GABRA5: variants seen among roughly 807,000 people sequenced by gnomAD.
The protein encoded by GABRA5 is gamma-aminobutyric acid type A receptor subunit alpha5, also known as gamma-aminobutyric acid receptor subunit alpha-5.
GABRA5 carries 18 observed loss-of-function variants against 47.3 expected under a neutral mutation model. That is an observed-to-expected ratio of 0.38 (90% CI 0.26 to 0.56). GABRA5 has a LOEUF of 0.56. Among genes scored for constraint, GABRA5 ranks in the 20% least tolerant of loss-of-function variants. The pLI is 0.71. For missense variants in GABRA5, 365 were observed against 599.3 expected (o/e 0.61, Z 4.08); for synonymous variants, 237 against 229.3 (o/e 1.03, Z -0.30).
intron 6 of GABRA5, among the ~76,000 whole-genome samples, chr15:26,902,746 C>T (rs1181093656): frequency 6.6e-6 from 1 of 152,044 alleles, no homozygotes; most frequent in Non-Finnish European, 1.5e-5. Context: ...TTTAATTTCT[C>T]ACTATTAAGT....
chr15:26,887,167 G>T (rs1246755763), intron 6 of GABRA5, among the ~76,000 whole-genome samples: 1 of 152,104 alleles, frequency 6.6e-6, no homozygotes, highest in Non-Finnish European at 1.5e-5. Context: ...ATGCACAAAG[G>T]TGTCTATTAT....
intron 3 of GABRA5, among the ~76,000 whole-genome samples, chr15:26,875,565 A>T (rs1475202875): frequency 2.0e-5 from 3 of 152,152 alleles, no homozygotes; most frequent in African/African-American, 7.2e-5. Context: ...GGAGGTGAGG[A>T]TGTGAGCAAA....
intron 10 of GABRA5, among the ~76,000 whole-genome samples, chr15:26,944,473 C>T (rs192090581): frequency 2.0e-5 from 3 of 152,262 alleles, no homozygotes; most frequent in East Asian, 1.9e-4. Flanking sequence ...AGGACCCATT[C>T]TGGGTGCTCT....
At chr15:26,886,203 AG>A (rs1892875429) in intron 6 of GABRA5, among the ~76,000 whole-genome samples, 1 of 151,950 alleles carries the variant, frequency 6.6e-6, no homozygotes, top group African/African-American at 2.4e-5. Flanking sequence ...TATTTTTAGT[AG>A]GGAGGGGGTT....
intron 8 of GABRA5, among the ~76,000 whole-genome samples, 182 bp downstream of exon 8, chr15:26,937,510 G>A (rs1365140147): frequency 6.6e-6 from 1 of 152,198 alleles, no homozygotes; most frequent in Non-Finnish European, 1.5e-5. Context: ...GCTGGCCAAA[G>A]GAATCCTCCC....
At chr15:26,900,035 C>G (rs1595410441) in intron 6 of GABRA5, among the ~76,000 whole-genome samples, 1 of 151,682 alleles carries the variant, frequency 6.6e-6, no homozygotes, top group Admixed American at 6.6e-5. Flanking sequence ...CATGTAATTT[C>G]TTTTACTGTA....
At chr15:26,912,821 A>G (rs1893630084) in intron 6 of GABRA5, among the ~76,000 whole-genome samples, 1 of 152,250 alleles carries the variant, frequency 6.6e-6, no homozygotes, top group Non-Finnish European at 1.5e-5. Context: ...AGGTGAAATC[A>G]TAAGTGAAGT....
intron 10 of GABRA5, among the ~76,000 whole-genome samples, chr15:26,945,367 G>T (rs905119671): frequency 3.3e-5 from 5 of 152,228 alleles, no homozygotes; most frequent in African/African-American, 1.2e-4. Flanking sequence ...GTTCACCATT[G>T]TTCCAAGTTG....
At chr15:26,907,704 C>G (rs1326857126) in intron 6 of GABRA5, among the ~76,000 whole-genome samples, 2 of 152,156 alleles carry the variant, frequency 1.3e-5, no homozygotes, top group Non-Finnish European at 2.9e-5. Flanking sequence ...TGGCAGTGGC[C>G]TTTGGGTTCC....
chr15:26,876,874 A>T (rs1304450139), intron 3 of GABRA5, among the ~76,000 whole-genome samples: 1 of 152,162 alleles, frequency 6.6e-6, no homozygotes. Context: ...GTCATCACCT[A>T]TGCAGGACCC....
At chr15:26,940,800 TCTAA>T (rs1894365557) in intron 9 of GABRA5, among the ~76,000 whole-genome samples, 1 of 152,134 alleles carries the variant, frequency 6.6e-6, no homozygotes, top group African/African-American at 2.4e-5. Flanking sequence ...TTGGGAGAGC[TCTAA>T]CTCAGGAGGT....
rs150782429 is a variant in GABRA5 at position 26,948,500 on chromosome 15, G to A, written c.*267G>A. The A allele has an allele frequency of 3.8e-3, 1,611 of 420,586 alleles. 6 individuals carry two copies. The highest frequency in any genetic ancestry group is 3.8e-3 in the Non-Finnish European group (897 of 236,502). 26.1% of individuals were successfully genotyped at this position (420,586 alleles called of 1,614,324 possible). A position where few individuals can be genotyped will look rare whatever the true frequency, so the allele number is the denominator to read the frequency against. On this transcript the variant is annotated 3_prime_UTR_variant, in exon 11 of 11. Coordinates refer to ENST00000335625, the MANE Select transcript of GABRA5 (RefSeq NM_000810.4). ...ACTCAGATGCCCAGTATCATACGTT[G>A]ATAGTTTACAAACAAGATACGTATA...
At position 26,883,659 on chromosome 15, in the gene GABRA5, A is replaced by G. The variant is rs1400157474; in HGVS notation, c.497+102A>G. The G allele has an allele frequency of 2.1e-6, 2 of 945,706 alleles. No individual in the cohort carries two copies. Among genetic ancestry groups the G allele is most frequent in the Non-Finnish European group, 3.0e-6 (2 of 659,052 alleles). The allele number at this position is 945,706 out of a possible 1,614,324, so 58.6% of individuals were successfully genotyped here. Reference sequence around the variant, plus strand: ...TGCGCCGCGGAGCTGTTCTGACCATAGGTCTGAGACTGCGGCGCGTGTGTG... The same window carrying G: ...TGCGCCGCGGAGCTGTTCTGACCATGGGTCTGAGACTGCGGCGCGTGTGTG... On this transcript the variant is annotated intron_variant, in intron 6 of 10. Transcript: ENST00000335625. This position sits in a 1 kb window ranked among gnomAD's most constrained non-coding sequence, Gnocchi z 4.8.
chr15:26,937,575 C>T (rs1014795336), intron 8 of GABRA5, among the ~76,000 whole-genome samples: 7 of 152,132 alleles, frequency 4.6e-5, no homozygotes, highest in Admixed American at 2.6e-4. Flanking sequence ...CCGGGGGTTG[C>T]GGTGGACCTG....
In GABRA5 at chr15:26,942,662, C is replaced by T. The variant is rs578183976; in HGVS notation, c.878-553C>T. 2.6e-5 allele frequency among the ~76,000 whole-genome samples: 4 copies of T among 152,326 alleles called. No homozygotes were observed. In the East Asian group the frequency reaches 7.7e-4, roughly 29 times the overall value. ...CACTGGCTGTTTGCCTGGCTTTGTT[C>T]ATGGCAGTGGGAGCCAAAATCAGAC... On this transcript the variant is annotated intron_variant, in intron 9 of 10. Transcript: ENST00000335625.
intron 3 of GABRA5, among the ~76,000 whole-genome samples, chr15:26,879,485 C>CTG (rs1230828588): frequency 6.6e-6 from 1 of 152,164 alleles, no homozygotes; most frequent in Non-Finnish European, 1.5e-5. Flanking sequence ...AAGTATACAT[C>CTG]TGTGGGCTCC....
intron 6 of GABRA5, among the ~76,000 whole-genome samples, chr15:26,912,038 A>G (rs1241364580): frequency 3.3e-5 from 5 of 152,174 alleles, no homozygotes; most frequent in Admixed American, 3.3e-4. Context: ...CAGTCAGGTC[A>G]CTTGAAACGC....
At chr15:26,898,079 G>A (rs900176978) in intron 6 of GABRA5, among the ~76,000 whole-genome samples, 6 of 152,158 alleles carry the variant, frequency 3.9e-5, no homozygotes, top group South Asian at 2.1e-4. Flanking sequence ...ATGAGTTGCC[G>A]TGGTAGAAAA....
intron 6 of GABRA5, among the ~76,000 whole-genome samples, chr15:26,913,063 A>G (rs1893635951): frequency 6.6e-6 from 1 of 150,996 alleles, no homozygotes; most frequent in Non-Finnish European, 1.5e-5. Context: ...AGGCGTCTAT[A>G]ATCCCAGCTA....
Sources: allele counts gnomAD v4.1 joint callset (sites outside exome capture counted in the v4.1 genomes callset), GRCh38; gene constraint gnomAD v4.1.1; non-coding constraint Gnocchi (gnomAD v3.1); transcripts MANE v1.5; gene names NCBI Gene and HGNC (gene_info 2026-07-23, HGNC 2026-07-21).